RBFOX1: variants seen among roughly 807,000 people sequenced by gnomAD.
The protein encoded by RBFOX1 is RNA binding fox-1 homolog 1.
Under a neutral mutation model 57.7 loss-of-function variants are expected in RBFOX1, and 8 were observed. The ratio of observed to expected loss-of-function variants is 0.14; its 90% CI spans 0.08 to 0.25. The LOEUF is 0.25. RBFOX1 is among the 10% of genes least tolerant of loss of function. The pLI is 1.00. For missense variants in RBFOX1, 611 were observed against 548.5 expected (o/e 1.11, Z -1.14); for synonymous variants, 326 against 222.4 (o/e 1.47, Z -4.15).
chr16:6,939,419 CTATA>C (rs1434378440), intron 3 of RBFOX1, among the ~76,000 whole-genome samples: 1 of 150,582 alleles, frequency 6.6e-6, no homozygotes, highest in African/African-American at 2.5e-5. Flanking sequence ...ATATATGTAG[CTATA>C]TATAGTAGAC....
intron 1 of RBFOX1, among the ~76,000 whole-genome samples, chr16:6,172,988 A>G (rs1400749587): frequency 1.3e-5 from 2 of 152,158 alleles, no homozygotes; most frequent in South Asian, 2.1e-4. Flanking sequence ...CCCTTTCTCC[A>G]TCTTCGAAGC....
At chr16:5,892,948 C>T (rs2058080972) in intron 4 of RBFOX1, among the ~76,000 whole-genome samples, 1 of 152,096 alleles carries the variant, frequency 6.6e-6, no homozygotes, top group African/African-American at 2.4e-5. Context: ...CTGGCCTTCT[C>T]CCAATGTTCA....
intron 1 of RBFOX1, among the ~76,000 whole-genome samples, chr16:5,273,248 G>T (rs1299979498): frequency 1.3e-5 from 2 of 151,414 alleles, no homozygotes; most frequent in Non-Finnish European, 1.5e-5. Context: ...TTGGTGGTCG[G>T]TTTTCCATCC....
At chr16:6,830,630 C>T (rs1603629935) in intron 3 of RBFOX1, among the ~76,000 whole-genome samples, 2 of 152,120 alleles carry the variant, frequency 1.3e-5, no homozygotes, top group African/African-American at 4.8e-5. Flanking sequence ...GCTAAACATA[C>T]CACAGTATAT....
chr16:5,440,659 A>G (rs1200101380), intron 1 of RBFOX1, among the ~76,000 whole-genome samples: 2 of 152,124 alleles, frequency 1.3e-5, no homozygotes, highest in Non-Finnish European at 2.9e-5. Context: ...GCTGTGATCT[A>G]CCTGGCCAGG....
chr16:7,202,758 A>G (rs567694108), intron 4 of RBFOX1, among the ~76,000 whole-genome samples: 1 of 152,270 alleles, frequency 6.6e-6, no homozygotes, highest in East Asian at 1.9e-4. Flanking sequence ...ATGCCTGATG[A>G]TCTGAAGTGG....
chr16:7,651,957 T>C (rs1442591066), intron 11 of RBFOX1, among the ~76,000 whole-genome samples: 1 of 151,916 alleles, frequency 6.6e-6, no homozygotes, highest in Non-Finnish European at 1.5e-5. Flanking sequence ...GAACTGAGCT[T>C]GAAGGAAAAG....
intron 5 of RBFOX1, among the ~76,000 whole-genome samples, chr16:7,557,395 G>C (rs531490539): frequency 4.6e-5 from 7 of 151,962 alleles, no homozygotes; most frequent in Non-Finnish European, 7.4e-5. Context: ...CAACGTGGGC[G>C]GATCACTTGA....
At chr16:7,667,022 C>T (rs770496272) in intron 13 of RBFOX1, among the ~76,000 whole-genome samples, 2 of 152,156 alleles carry the variant, frequency 1.3e-5, no homozygotes, top group Non-Finnish European at 2.9e-5. Flanking sequence ...CAGAAATTAT[C>T]GTTTTCCCCA....
intron 2 of RBFOX1, among the ~76,000 whole-genome samples, chr16:6,335,776 CAA>C (rs57151962): frequency 1.6e-4 from 8 of 50,912 alleles, no homozygotes; most frequent in Admixed American, 2.4e-4. Flanking sequence ...AGACTGTCTC[CAA>C]AAAAAAAAAA....
chr16:6,307,378 C>G (rs1281466660), intron 1 of RBFOX1, among the ~76,000 whole-genome samples: 4 of 146,640 alleles, frequency 2.7e-5, no homozygotes, highest in Non-Finnish European at 5.9e-5. Flanking sequence ...AGAGACTCAT[C>G]TTAAAAATAA....
At chr16:5,454,137 G>T (rs189122196) in intron 1 of RBFOX1, among the ~76,000 whole-genome samples, 3 of 152,186 alleles carry the variant, frequency 2.0e-5, no homozygotes, top group Non-Finnish European at 4.4e-5. Flanking sequence ...TTTATTCCTC[G>T]TTCTTGTTGA....
At chr16:6,508,363 C>CA (rs2096165240) in intron 2 of RBFOX1, among the ~76,000 whole-genome samples, 1 of 151,994 alleles carries the variant, frequency 6.6e-6, no homozygotes, top group Non-Finnish European at 1.5e-5. Flanking sequence ...GAACATAAAA[C>CA]TTAAAACAAA....
chr16:6,781,482 A>G (rs2081012435), intron 3 of RBFOX1, among the ~76,000 whole-genome samples: 1 of 152,038 alleles, frequency 6.6e-6, no homozygotes, highest in Non-Finnish European at 1.5e-5. Flanking sequence ...GATTTTTTAG[A>G]ATAGTTTGAA....
intron 1 of RBFOX1, among the ~76,000 whole-genome samples, chr16:5,373,645 C>T (rs2065913974): frequency 6.6e-6 from 1 of 151,910 alleles, no homozygotes; most frequent in East Asian, 1.9e-4. Flanking sequence ...CTCTCTGTCA[C>T]CCAGGCTGGT....
intron 3 of RBFOX1, among the ~76,000 whole-genome samples, chr16:7,018,343 C>G (rs758914693): frequency 6.6e-6 from 1 of 152,140 alleles, no homozygotes; most frequent in Non-Finnish European, 1.5e-5. Flanking sequence ...GGAGTTGTTT[C>G]AGGCCACCTC....
At chr16:7,036,139 GT>G (rs2044345220) in intron 3 of RBFOX1, among the ~76,000 whole-genome samples, 2 of 151,962 alleles carry the variant, frequency 1.3e-5, no homozygotes, top group South Asian at 4.1e-4. Context: ...TCCACCTTGG[GT>G]GCCTTCTATC....
chr16:6,527,131 GT>G (rs1283031058), intron 2 of RBFOX1, among the ~76,000 whole-genome samples: 2 of 151,984 alleles, frequency 1.3e-5, no homozygotes, highest in African/African-American at 4.8e-5. Flanking sequence ...TATTCAATAT[GT>G]TAAAACCTTT....
At chr16:5,563,113 C>G (rs1285184092) in intron 2 of RBFOX1, among the ~76,000 whole-genome samples, 1 of 152,176 alleles carries the variant, frequency 6.6e-6, no homozygotes, top group East Asian at 1.9e-4. Flanking sequence ...CCATGTCTGG[C>G]TAATTTTTGC....
Sources: gnomAD v4.1 joint callset for allele counts (sites outside exome capture counted in the v4.1 genomes callset) on GRCh38, gnomAD v4.1.1 for gene constraint, MANE v1.5 for transcripts, NCBI Gene and HGNC (gene_info 2026-07-23, HGNC 2026-07-21) for gene names.